The following MS4A14 variants were observed in gnomAD, a reference collection of about 807,000 sequenced individuals.
MS4A14 encodes membrane-spanning 4-domains subfamily A member 14.
In MS4A14, 18 loss-of-function variants were observed where a neutral mutation model predicts 16.7. That is an observed-to-expected ratio of 1.08 (90% confidence interval 0.75 to 1.60). The LOEUF is 1.60. Ranked by LOEUF, MS4A14 falls within the 40% of genes most tolerant of loss-of-function variation. The pLI, the probability that MS4A14 is intolerant of heterozygous loss-of-function variation, is 0.00. For synonymous variants in MS4A14, 305 were observed against 289.4 expected, an observed-to-expected ratio of 1.05 and a Z score of -0.55; for missense variants, 812 against 775.3, an observed-to-expected ratio of 1.05 and a Z score of -0.56.
intron 4 of MS4A14, among the ~76,000 whole-genome samples, chr11:60,407,585 T>C (rs954511232): frequency 3.3e-5 from 5 of 152,220 alleles, no homozygotes; most frequent in Admixed American, 3.3e-4. Context: ...TCATTAACAC[T>C]TGAAACTGTC....
chr11:60,398,174 G>A, intron 2 of MS4A14, 194 bp downstream of exon 2: 1 of 484,168 alleles, frequency 2.1e-6, no homozygotes, highest in Non-Finnish European at 3.6e-6. Context: ...ACTCTCAGGT[G>A]CTTAAAATTT....
intron 2 of MS4A14, 130 bp downstream of exon 2, chr11:60,398,110 G>C: frequency 1.2e-6 from 1 of 815,408 alleles, no homozygotes. Flanking sequence ...TCCCTTCACG[G>C]CAAAAGAAGC....
At chr11:60,401,767 A>G (rs975462003) in intron 3 of MS4A14, among the ~76,000 whole-genome samples, 8 of 152,226 alleles carry the variant, frequency 5.3e-5, no homozygotes, top group African/African-American at 1.4e-4. Flanking sequence ...AAAATGTCCT[A>G]TGGGAGCCAA....
intron 3 of MS4A14, among the ~76,000 whole-genome samples, chr11:60,402,474 C>T (rs2085728769): frequency 6.6e-6 from 1 of 152,066 alleles, no homozygotes; most frequent in Admixed American, 6.6e-5. Flanking sequence ...ATGGATACTA[C>T]CCTAAAAGTT....
At chr11:60,402,293 C>T (rs753402007) in intron 3 of MS4A14, among the ~76,000 whole-genome samples, 1 of 152,048 alleles carries the variant, frequency 6.6e-6, no homozygotes, top group Non-Finnish European at 1.5e-5. Context: ...AGGTTAACAT[C>T]TTTAAATGTT....
intron 4 of MS4A14, among the ~76,000 whole-genome samples, chr11:60,411,393 C>T (rs1040855632): frequency 5.3e-5 from 8 of 152,084 alleles, no homozygotes; most frequent in Non-Finnish European, 1.0e-4. Context: ...TCTTCTTATA[C>T]GTGAACACAA....
At chr11:60,413,837 T>C (rs902152984) in intron 4 of MS4A14, among the ~76,000 whole-genome samples, 1 of 152,226 alleles carries the variant, frequency 6.6e-6, no homozygotes. Context: ...TCATTTGGTC[T>C]TTAGTCTTAG....
At chr11:60,403,591 T>A (rs1301067785) in intron 4 of MS4A14, among the ~76,000 whole-genome samples, 4 of 152,238 alleles carry the variant, frequency 2.6e-5, no homozygotes, top group Admixed American at 1.3e-4. Flanking sequence ...TTATTTCACA[T>A]AATTGTGGCA....
At chr11:60,398,270 C>G in intron 2 of MS4A14, 1 of 214,714 alleles carries the variant, frequency 4.7e-6, no homozygotes, top group South Asian at 9.0e-5. Context: ...CCTACTTATT[C>G]CTTTGCAAAT....
chr11:60,405,512 T>C (rs1208034941), intron 4 of MS4A14, among the ~76,000 whole-genome samples: 1 of 152,238 alleles, frequency 6.6e-6, no homozygotes, highest in African/African-American at 2.4e-5. Context: ...ATCTGTGGGC[T>C]ATATCCAGCC....
At chr11:60,397,799 C>T in intron 1 of MS4A14, 53 bp from the exon 2 acceptor site, 2 of 1,588,698 alleles carry the variant, frequency 1.3e-6, no homozygotes, top group Non-Finnish European at 8.6e-7. Context: ...CGTGGGGTAG[C>T]CCACAGGGTC....
At chr11:60,402,782 A>C in intron 3 of MS4A14, 130 bp from the exon 4 acceptor site, 1 of 920,104 alleles carries the variant, frequency 1.1e-6, no homozygotes, top group South Asian at 1.7e-5. Flanking sequence ...CCTTCCAATC[A>C]TACTGACCTG....
chr11:60,406,934 C>A (rs1005277251), intron 4 of MS4A14, among the ~76,000 whole-genome samples: 3 of 151,642 alleles, frequency 2.0e-5, no homozygotes, highest in Admixed American at 1.3e-4. Context: ...TGAGAGTCAT[C>A]CATGCTGTTG....
Position 60,416,332 on chromosome 11 carries a change from T to C in MS4A14, c.1364T>C (p.Met455Thr), listed in dbSNP as rs780026614. Reference sequence around the variant, plus strand: ...CCTCAAAACCAGCAAATTTTACAAATGTCATATCAAGATATTAGATCAGAA... The same window carrying C: ...CCTCAAAACCAGCAAATTTTACAAACGTCATATCAAGATATTAGATCAGAA... Reference protein sequence around the residue: ...TEPQNQQILQMSYQDIRSEVM... With the variant: ...TEPQNQQILQTSYQDIRSEVM... Residue 455 changes from methionine (M) to threonine (T), a missense_variant, in exon 5 of 5, where the codon ATG becomes ACG. Met to Thr is a moderately conservative substitution (Grantham distance 81). Transcript: ENST00000300187. The C allele has an allele frequency of 2.1e-5, 34 of 1,613,806 alleles. No homozygotes were observed. In the South Asian group the frequency reaches 3.6e-4, roughly 17 times the overall value.
At position 60,396,515 on chromosome 11, in the gene MS4A14, A is replaced by G. The variant is rs556515053; in HGVS notation, c.-64A>G. The G allele has an allele frequency of 5.7e-5, 90 of 1,573,328 alleles. No homozygotes were observed. In the South Asian group the frequency reaches 1.0e-3, roughly 18 times the overall value. On this transcript the variant is annotated 5_prime_UTR_variant, in exon 1 of 5. Coordinates refer to ENST00000300187, the MANE Select transcript of MS4A14 (RefSeq NM_032597.5). ...CTCCATGTGACTCTGGTGGAGAGGT[A>G]GATCATGATTTGGGCGGCAATGTTT...
intron 4 of MS4A14, chr11:60,404,769 A>C: frequency 5.9e-6 from 2 of 340,794 alleles, no homozygotes; most frequent in East Asian, 7.6e-5. Flanking sequence ...ATATCTGCAT[A>C]GATCCCCCAT....
In MS4A14 at chr11:60,417,088, A is replaced by G; in HGVS notation, c.*80A>G. The G allele has an allele frequency of 1.3e-6, 2 of 1,502,924 alleles. No homozygotes were observed. Among genetic ancestry groups the G allele is most frequent in the Non-Finnish European group, 1.8e-6 (2 of 1,129,054 alleles). 93.1% of individuals were successfully genotyped at this position (1,502,924 alleles called of 1,614,324 possible). A position where few individuals can be genotyped will look rare whatever the true frequency, so the allele number is the denominator to read the frequency against. On this transcript the variant is annotated 3_prime_UTR_variant, in exon 5 of 5. Coordinates refer to ENST00000300187, the MANE Select transcript of MS4A14 (RefSeq NM_032597.5). ...AGCACTGGCAAACACAGGATCTATT[A>G]GAGAAAGAAGCCCTAAAGCAGAAAG...
At chr11:60,415,390 C>T in intron 4 of MS4A14, 47 bp from the exon 5 acceptor site, 1 of 1,515,822 alleles carries the variant, frequency 6.6e-7, no homozygotes, top group Middle Eastern at 2.1e-4. Flanking sequence ...AAAAAAAAAT[C>T]AGACATGATT....
chr11:60,408,391 A>C (rs1322522231), intron 4 of MS4A14, among the ~76,000 whole-genome samples: 1 of 152,084 alleles, frequency 6.6e-6, no homozygotes, highest in Non-Finnish European at 1.5e-5. Context: ...TGTAACTCTC[A>C]CCACTATCTA....
Sources: allele counts gnomAD v4.1 joint callset (sites outside exome capture counted in the v4.1 genomes callset), GRCh38; gene constraint gnomAD v4.1.1; transcripts MANE v1.5; gene names NCBI Gene and HGNC (gene_info 2026-07-23, HGNC 2026-07-21).